The following UNC80 variants were observed in gnomAD, a reference collection of about 807,000 sequenced individuals.
The protein encoded by UNC80 is protein unc-80 homolog.
A neutral mutation model predicts 384.6 loss-of-function variants in UNC80; 164 were observed. That is an observed-to-expected ratio of 0.43 (90% CI 0.38 to 0.49). The LOEUF is 0.49. Ranked by LOEUF, UNC80 falls within the 20% of genes least tolerant of loss-of-function variation. The pLI, the probability that UNC80 is intolerant of heterozygous loss-of-function variation, is 0.00. For synonymous variants in UNC80, 1,486 were observed against 1,527.8 expected (o/e 0.97, Z 0.64); for missense variants, 3,330 against 4,143.0 (o/e 0.80, Z 5.39).
rs1453150022 is a variant in UNC80 at position 209,872,895 on chromosome 2, C to T, written c.3765C>T (p.Arg1255=). The T allele has an allele frequency of 1.9e-6, 3 of 1,551,532 alleles. No homozygotes were observed. The East Asian group carries it at 7.3e-5, about 38-fold the overall frequency. ...CCAAGAAAGGACTTTCCCGGGGACGCTCTCCCATTGTGGGCAACAAGCGAA... is the reference window on the plus strand; with the variant it reads ...CCAAGAAAGGACTTTCCCGGGGACGTTCTCCCATTGTGGGCAACAAGCGAA... ...NITKKGLSRG[R]SPIVGNKRNQ... is the part of the protein sequence containing the mutation. The change falls in exon 23 of 65, where the codon CGC becomes CGT. Residue 1255 remains arginine, a synonymous_variant. Coordinates refer to ENST00000673920, the MANE Select transcript of UNC80 (RefSeq NM_001371986.1). The surrounding 1 kb of genome is among the most constrained non-coding windows in gnomAD (Gnocchi z 4.1).
intron 3 of UNC80, 74 bp from the exon 4 acceptor site, chr2:209,777,184 C>T (rs774799893): frequency 7.8e-5 from 113 of 1,452,032 alleles, no homozygotes; most frequent in Non-Finnish European, 1.0e-4. Context: ...ATATTCTTCC[C>T]AGACCCATTG....
intron 52 of UNC80, 73 bp from the exon 53 acceptor site, chr2:209,969,695 A>C: frequency 2.0e-6 from 3 of 1,527,898 alleles, no homozygotes; most frequent in Non-Finnish European, 2.6e-6. Context: ...CATCAGAATC[A>C]CTGTCTCATT....
At chr2:209,955,361 G>A (rs985176567) in intron 48 of UNC80, among the ~76,000 whole-genome samples, 2 of 152,138 alleles carry the variant, frequency 1.3e-5, no homozygotes, top group South Asian at 2.1e-4. Flanking sequence ...CAGATGTTTA[G>A]TTTCTAATCA....
Position 209,894,280 on chromosome 2 carries a change from A to G in UNC80, c.4394A>G (p.Lys1465Arg), listed in dbSNP as rs1482208406. Residue 1465 changes from lysine (K) to arginine (R), a missense_variant, in exon 27 of 65, where the codon AAG (lysine) becomes AGG (arginine). Coordinates refer to ENST00000673920, the MANE Select transcript of UNC80 (RefSeq NM_001371986.1). The stretch of plus-strand genomic sequence containing the variant: ...AGCATTCGCCGGGTCGGCAGCTTAA[A>G]GAGCAGCAAGTTATCACGGCAGGAC... ...LSSIRRVGSL[K>R]SSKLSRQDSE... is the part of the protein sequence containing the mutation. 1 of 985,280 alleles carries G rather than the reference A, an allele frequency of 1.0e-6. No homozygotes were observed. The highest frequency in any genetic ancestry group is 1.2e-6 in the Non-Finnish European group (1 of 829,936). The allele number at this position is 985,280 out of a possible 1,614,324, so 61.0% of individuals were successfully genotyped here.
rs112223103 is a variant in UNC80, at chr2:209,922,913, C to T, written c.5662+530C>T. On this transcript the variant is annotated intron_variant, in intron 35 of 64. Coordinates refer to ENST00000673920, the MANE Select transcript of UNC80 (RefSeq NM_001371986.1). ...TGACAAATGGTATGGAGCATCTTTT[C>T]ATATGCTTATTGACCATATGTATAT... 2.8e-3 allele frequency among the ~76,000 whole-genome samples: 419 copies of T among 152,262 alleles called. 1 individual carries two copies. Among genetic ancestry groups the T allele is most frequent in the African/African-American group, 9.6e-3 (401 of 41,556 alleles).
At chr2:209,854,096 A>G (rs995000590) in intron 22 of UNC80, among the ~76,000 whole-genome samples, 1 of 152,134 alleles carries the variant, frequency 6.6e-6, no homozygotes, top group African/African-American at 2.4e-5. Context: ...GGCTTATTGC[A>G]TCAAATATAA....
intron 22 of UNC80, among the ~76,000 whole-genome samples, chr2:209,864,045 A>T (rs1299843114): frequency 3.3e-5 from 5 of 151,532 alleles, no homozygotes. Context: ...GTTGTTGATG[A>T]TGATGCTGTT....
At chr2:209,842,039 G>A (rs903572181) in intron 20 of UNC80, among the ~76,000 whole-genome samples, 2 of 152,056 alleles carry the variant, frequency 1.3e-5, no homozygotes, top group African/African-American at 4.8e-5. Flanking sequence ...ACTATGTCTC[G>A]CTATTCATTA....
At chr2:209,849,772 A>G in intron 22 of UNC80, 149 bp downstream of exon 22, 3 of 840,392 alleles carry the variant, frequency 3.6e-6, no homozygotes, top group Non-Finnish European at 5.4e-6. Flanking sequence ...AAAGATGGTG[A>G]AAAAGGGAGA....
intron 47 of UNC80, among the ~76,000 whole-genome samples, chr2:209,949,781 C>A (rs376261031): frequency 6.6e-6 from 1 of 150,390 alleles, no homozygotes; most frequent in Non-Finnish European, 1.5e-5. Context: ...CCCAGCCCCC[C>A]ACCCCTTTTT....
intron 4 of UNC80, among the ~76,000 whole-genome samples, chr2:209,781,956 T>C (rs1433857111): frequency 6.6e-6 from 1 of 152,202 alleles, no homozygotes; most frequent in Non-Finnish European, 1.5e-5. Context: ...TCATCCTTAC[T>C]TGCACATTCC....
rs369408644 is a variant in UNC80 at position 209,866,533 on chromosome 2, C to CAGAGAG, written c.3628-6197_3628-6192dup. 6.1e-4 allele frequency among the ~76,000 whole-genome samples: 63 copies of CAGAGAG among 104,130 alleles called. No homozygotes were observed. The South Asian group carries it at 0.012, about 20-fold the overall frequency. 68.3% of individuals were successfully genotyped at this position (104,130 alleles called of 152,430 possible). ...ACACACACACACACACACACACACA[C>CAGAGAG]AGAGAGAGAGAGAGAGAGAGAGAGA... On this transcript the variant is annotated intron_variant, in intron 22 of 64. Coordinates refer to ENST00000673920, the MANE Select transcript of UNC80 (RefSeq NM_001371986.1).
At chr2:209,819,725 G>A (rs1045771306) in intron 12 of UNC80, among the ~76,000 whole-genome samples, 1 of 151,866 alleles carries the variant, frequency 6.6e-6, no homozygotes, top group African/African-American at 2.4e-5. Flanking sequence ...CAAATGAAGG[G>A]GTTGTTGTAT....
At chr2:209,988,873 A>C (rs1008962606) in intron 61 of UNC80, among the ~76,000 whole-genome samples, 2 of 152,192 alleles carry the variant, frequency 1.3e-5, no homozygotes, top group Non-Finnish European at 2.9e-5. Context: ...TGACTCAAAA[A>C]TATAAGAGAT....
chr2:209,888,810 A>G (rs1210800489), intron 26 of UNC80, among the ~76,000 whole-genome samples: 2 of 151,996 alleles, frequency 1.3e-5, no homozygotes. Flanking sequence ...TTTTCTTAAT[A>G]TGCTTTTATT....
At chr2:209,790,415 C>G (rs1316118060) in intron 6 of UNC80, among the ~76,000 whole-genome samples, 3 of 152,270 alleles carry the variant, frequency 2.0e-5, no homozygotes, top group South Asian at 2.1e-4. Flanking sequence ...ATTTAGTGAG[C>G]AATTACTAAG....
intron 7 of UNC80, among the ~76,000 whole-genome samples, chr2:209,800,813 T>A (rs1477121738): frequency 6.6e-6 from 1 of 152,214 alleles, no homozygotes; most frequent in East Asian, 1.9e-4. Flanking sequence ...TTTCATTATT[T>A]ACCCAGGAGT....
intron 29 of UNC80, among the ~76,000 whole-genome samples, chr2:209,911,433 A>G (rs907375441): frequency 2.0e-5 from 3 of 152,182 alleles, no homozygotes; most frequent in African/African-American, 7.2e-5. Flanking sequence ...AAAGCACAAC[A>G]AGAGCCCTGA....
intron 20 of UNC80, among the ~76,000 whole-genome samples, chr2:209,841,124 C>T (rs759359038): frequency 6.6e-6 from 1 of 152,150 alleles, no homozygotes; most frequent in African/African-American, 2.4e-5. Context: ...ACTCCTCCTT[C>T]GTAATACTGT....
Sources: gnomAD v4.1 joint callset for allele counts (sites outside exome capture counted in the v4.1 genomes callset) on GRCh38, gnomAD v4.1.1 for gene constraint, Gnocchi (gnomAD v3.1) non-coding constraint, MANE v1.5 for transcripts, NCBI Gene and HGNC (gene_info 2026-07-23, HGNC 2026-07-21) for gene names.